The following TRIM59 variants were observed in gnomAD, a reference collection of about 807,000 sequenced individuals.
The protein encoded by TRIM59 is tripartite motif-containing protein 59.
TRIM59 carries 14 observed loss-of-function variants against 32.2 expected under a neutral mutation model. The ratio of observed to expected loss-of-function variants is 0.43; its 90% confidence interval spans 0.29 to 0.68. The LOEUF (loss-of-function observed/expected upper bound fraction) is 0.68, where lower values mean the gene tolerates loss of function less well. TRIM59 is among the 30% of genes least tolerant of loss of function. The pLI, the probability that TRIM59 is intolerant of heterozygous loss-of-function variation, is 0.15. For synonymous variants in TRIM59, 163 were observed against 155.1 expected (o/e 1.05, Z -0.38); for missense variants, 471 against 463.3 (o/e 1.02, Z -0.15).
chr3:160,443,956 T>C (rs1719389144), intron 2 of TRIM59, among the ~76,000 whole-genome samples: 1 of 152,038 alleles, frequency 6.6e-6, no homozygotes, highest in Non-Finnish European at 1.5e-5. Context: ...TAAATGGAAC[T>C]GACAGAAATG....
rs140759771 is a variant in TRIM59, at chr3:160,435,728, G to A, written c.*2244C>T. The A allele has an allele frequency of 1.1e-5, 3 of 278,106 alleles. No individual in the cohort carries two copies. Among genetic ancestry groups the A allele is most frequent in the African/African-American group, 4.5e-5 (2 of 44,562 alleles). 17.2% of individuals were successfully genotyped at this position (278,106 alleles called of 1,614,324 possible). A position where few individuals can be genotyped will look rare whatever the true frequency, so the allele number is the denominator to read the frequency against. On this transcript the variant is annotated 3_prime_UTR_variant, in exon 3 of 3. Coordinates refer to ENST00000309784, the MANE Select transcript of TRIM59 (RefSeq NM_173084.3). ...AGATACAAAATGTCAAATCTAAAAT[G>A]ATATATATACTTACGTTTTTAGCAT...
Position 160,443,708 on chromosome 3 carries a change from CCT to C in TRIM59, c.-3-4524_-3-4523del, listed in dbSNP as rs564784251. Among the ~76,000 whole-genome samples, 453 of 152,126 alleles carry C rather than the reference CCT, an allele frequency of 3.0e-3. 1 individual carries two copies. The highest frequency in any genetic ancestry group is 0.011 in the South Asian group (51 of 4,818). On this transcript the variant is annotated intron_variant, in intron 2 of 2. Coordinates refer to ENST00000309784, the MANE Select transcript of TRIM59 (RefSeq NM_173084.3). The stretch of plus-strand genomic sequence containing the variant: ...GGCTGGAGTGCAGTGGCCGCTATCT[CCT>C]CTCACTGCAAGCTCCGCCTCCTGGG...
chr3:160,444,296 A>G (rs1719409799), intron 2 of TRIM59, among the ~76,000 whole-genome samples: 1 of 152,242 alleles, frequency 6.6e-6, no homozygotes, highest in Non-Finnish European at 1.5e-5. Context: ...GATAAAAGTG[A>G]TGGCTTCTAG....
At chr3:160,445,688 C>T (rs1360018264) in intron 2 of TRIM59, among the ~76,000 whole-genome samples, 14 of 150,084 alleles carry the variant, frequency 9.3e-5, no homozygotes, top group African/African-American at 3.4e-4. Context: ...GCAGGAGAAT[C>T]GCTTAAACCT....
Position 160,438,650 on chromosome 3 carries a change from G to C in TRIM59, c.534C>G (p.Ile178Met), listed in dbSNP as rs1045331918. The change falls in exon 3 of 3, where the codon ATC becomes ATG. Residue 178 changes from isoleucine to methionine, a missense_variant. Coordinates refer to ENST00000309784, the MANE Select transcript of TRIM59 (RefSeq NM_173084.3). Reference sequence around the variant, plus strand: ...GGAGAACAGCTTCCTTATCGCCTTGGATCATTTTCTCAGAATGAGATTTTT... The same window carrying C: ...GGAGAACAGCTTCCTTATCGCCTTGCATCATTTTCTCAGAATGAGATTTTT... ...KEQKSHSEKM[I>M]QGDKEAVLQY... 1 of 1,613,088 alleles carries C rather than the reference G, an allele frequency of 6.2e-7. No homozygotes were observed. The highest frequency in any genetic ancestry group is 1.3e-5 in the African/African-American group (1 of 74,858).
chr3:160,449,690 C>T (rs1275051276), intron 1 of TRIM59, 27 bp downstream of exon 1: 1 of 1,289,452 alleles, frequency 7.8e-7, no homozygotes, highest in Non-Finnish European at 1.0e-6. Flanking sequence ...CCACCTTCTC[C>T]GCATCCGTAA....
Position 160,438,112 on chromosome 3 carries a change from C to T in TRIM59, c.1072G>A (p.Glu358Lys). The T allele has an allele frequency of 1.2e-6, 2 of 1,612,468 alleles. No individual in the cohort carries two copies. The highest frequency in any genetic ancestry group is 1.7e-6 in the Non-Finnish European group (2 of 1,179,562). Residue 358 changes from glutamate (E) to lysine (K), a missense_variant, in exon 3 of 3, where the codon GAA becomes AAA. By Grantham distance (56) the Glu-to-Lys change is moderately conservative (BLOSUM62 1). Coordinates refer to ENST00000309784, the MANE Select transcript of TRIM59 (RefSeq NM_173084.3). The stretch of plus-strand genomic sequence containing the variant: ...TCAGAAAACCATATTAAAGTGATTT[C>T]ACTTAAAAAGGTTATGATGTGTTGG... Reference protein sequence around the residue: ...FNQHIITFLSEITLIWFSEAS... With the variant: ...FNQHIITFLSKITLIWFSEAS...
In TRIM59 at chr3:160,438,856, G is replaced by C; in HGVS notation, c.328C>G (p.Leu110Val). 1 of 1,613,876 alleles carries C rather than the reference G, an allele frequency of 6.2e-7. No individual in the cohort carries two copies. The change falls in exon 3 of 3, where the codon CTA (leucine) becomes GTA (valine). Residue 110 changes from leucine to valine, a missense_variant. Transcript: ENST00000309784. The stretch of plus-strand genomic sequence containing the variant: ...CCACAAACTAATTTTTTATCTAATA[G>C]ACAGTAAACATTTAATGGTTGCCTG... ...HYRQPLNVYC[L>V]LDKKLVCGHC...
At chr3:160,440,612 TAAA>T (rs896040561) in intron 2 of TRIM59, among the ~76,000 whole-genome samples, 4 of 152,106 alleles carry the variant, frequency 2.6e-5, no homozygotes, top group Non-Finnish European at 2.9e-5. Context: ...AGGCAAAACT[TAAA>T]AACCCAAGTG....
chr3:160,437,995 C>A lies in TRIM59; in HGVS notation c.1189G>T (p.Val397Leu), dbSNP rs895274943. Residue 397 changes from valine to leucine, a missense_variant, in exon 3 of 3, where the codon GTG (valine) becomes TTG (leucine). By Grantham distance (32) the Val-to-Leu change is conservative. Coordinates refer to ENST00000309784, the MANE Select transcript of TRIM59 (RefSeq NM_173084.3). ...TTTCAATGGGAAACTATTTTCCACACAAATTCCTTCAACAAATAGAAAATG... is the reference window on the plus strand; with the variant it reads ...TTTCAATGGGAAACTATTTTCCACAAAAATTCCTTCAACAAATAGAAAATG... ...CHIFYLLKEFVWKIVSH is the reference protein window; with the variant it reads ...CHIFYLLKEFLWKIVSH 1.3e-6 allele frequency: 2 copies of A among 1,552,130 alleles called. No individual in the cohort carries two copies. Among genetic ancestry groups the A allele is most frequent in the Non-Finnish European group, 8.7e-7 (1 of 1,154,878 alleles).
chr3:160,447,175 G>A (rs960538600), intron 2 of TRIM59, among the ~76,000 whole-genome samples: 1 of 151,674 alleles, frequency 6.6e-6, no homozygotes, highest in Non-Finnish European at 1.5e-5. Flanking sequence ...ATTTTCAAGC[G>A]TCTTGCCTAT....
chr3:160,440,543 A>C (rs1719188466), intron 2 of TRIM59, among the ~76,000 whole-genome samples: 1 of 152,140 alleles, frequency 6.6e-6, no homozygotes, highest in Admixed American at 6.5e-5. Context: ...CACAATTCTA[A>C]AGACTAGCTT....
At chr3:160,440,818 G>A (rs1301953109) in intron 2 of TRIM59, among the ~76,000 whole-genome samples, 2 of 152,094 alleles carry the variant, frequency 1.3e-5, no homozygotes, top group African/African-American at 2.4e-5. Context: ...GGCTGAGACA[G>A]GAGAATTGCT....
At chr3:160,444,972 G>A (rs1719444822) in intron 2 of TRIM59, among the ~76,000 whole-genome samples, 2 of 152,130 alleles carry the variant, frequency 1.3e-5, no homozygotes, top group South Asian at 2.1e-4. Context: ...ATTTATTCAT[G>A]TGAAACAACA....
chr3:160,441,780 GA>G (rs1182211904), intron 2 of TRIM59, among the ~76,000 whole-genome samples: 1 of 143,504 alleles, frequency 7.0e-6, no homozygotes, highest in African/African-American at 2.5e-5. Flanking sequence ...AAAGAAAAAA[GA>G]AAAAAAGCAC....
rs879238756 is a variant in TRIM59, at chr3:160,437,178, C to A, written c.*794G>T. On this transcript the variant is annotated 3_prime_UTR_variant, in exon 3 of 3. Transcript: ENST00000309784. ...ACCAACCTGGGCAATATGGCAAAACCTCGTTTCTACAAAAAACAATTTTTT... is the reference window on the plus strand; with the variant it reads ...ACCAACCTGGGCAATATGGCAAAACATCGTTTCTACAAAAAACAATTTTTT... 2.4e-5 allele frequency: 17 copies of A among 697,334 alleles called. No individual in the cohort carries two copies. The highest frequency in any genetic ancestry group is 2.8e-5 in the Non-Finnish European group (16 of 567,346). The allele number at this position is 697,334 out of a possible 1,614,324, so 43.2% of individuals were successfully genotyped here. A position where few individuals can be genotyped will look rare whatever the true frequency, so the allele number is the denominator to read the frequency against.
At chr3:160,443,160 G>C (rs1365283166) in intron 2 of TRIM59, among the ~76,000 whole-genome samples, 1 of 152,106 alleles carries the variant, frequency 6.6e-6, no homozygotes, top group Admixed American at 6.5e-5. Flanking sequence ...CATGCTTACA[G>C]GCTAGTTCTT....
intron 2 of TRIM59, among the ~76,000 whole-genome samples, chr3:160,442,613 A>G (rs902795674): frequency 2.6e-5 from 4 of 152,106 alleles, no homozygotes; most frequent in African/African-American, 7.2e-5. Context: ...TACTGCTATC[A>G]TATGTAAAAT....
Position 160,447,358 on chromosome 3 carries a change from T to C in TRIM59, c.-4+1368A>G, listed in dbSNP as rs184191142. Among the ~76,000 whole-genome samples, 124 of 152,302 alleles carry C rather than the reference T, an allele frequency of 8.1e-4. No individual in the cohort carries two copies. In the Middle Eastern group the frequency reaches 0.01, roughly 13 times the overall value. ...GCTTCTCTTTTAAAACCGAGAAATA[T>C]TAATATAAAAAAATGAATCTTCTCA... On this transcript the variant is annotated intron_variant, in intron 2 of 2. Transcript: ENST00000309784.
Sources: allele counts gnomAD v4.1 joint callset (sites outside exome capture counted in the v4.1 genomes callset), GRCh38; gene constraint gnomAD v4.1.1; transcripts MANE v1.5; gene names NCBI Gene and HGNC (gene_info 2026-07-23, HGNC 2026-07-21).